The following FNDC3B variants were observed in gnomAD, a reference collection of about 807,000 sequenced individuals.
FNDC3B encodes the protein fibronectin type III domain-containing protein 3B.
A neutral mutation model predicts 151.5 loss-of-function variants in FNDC3B; 12 were observed. The ratio of observed to expected loss-of-function variants is 0.08; its 90% CI spans 0.05 to 0.13. The LOEUF (loss-of-function observed/expected upper bound fraction) is 0.13. FNDC3B is among the 10% of genes least tolerant of loss of function. The pLI is 1.00. For synonymous variants in FNDC3B, 528 were observed against 549.0 expected (o/e 0.96, Z 0.54); for missense variants, 1,214 against 1,505.3 (o/e 0.81, Z 3.20).
intron 22 of FNDC3B, among the ~76,000 whole-genome samples, chr3:172,357,584 T>C (rs1183914252): frequency 6.6e-5 from 10 of 152,350 alleles, no homozygotes; most frequent in Admixed American, 6.5e-4. Flanking sequence ...TAGGAAATTA[T>C]TTTCCCATAC....
chr3:172,145,811 CTTT>C (rs34361134), intron 3 of FNDC3B, among the ~76,000 whole-genome samples: 6 of 114,116 alleles, frequency 5.3e-5, no homozygotes, highest in Admixed American at 9.0e-5. Context: ...AGGTTTCTTT[CTTT>C]TTTTTTTTTT....
intron 1 of FNDC3B, among the ~76,000 whole-genome samples, chr3:172,082,589 T>C (rs948508154): frequency 6.6e-6 from 1 of 152,180 alleles, no homozygotes; most frequent in African/African-American, 2.4e-5. Context: ...ACTCCAGCAC[T>C]GAACGAAGCA....
At chr3:172,270,015 C>T (rs1576857738) in intron 6 of FNDC3B, among the ~76,000 whole-genome samples, 1 of 152,166 alleles carries the variant, frequency 6.6e-6, no homozygotes, top group Non-Finnish European at 1.5e-5. Flanking sequence ...GGCAACTCTT[C>T]CTAGATATTA....
Position 172,204,830 on chromosome 3 carries a change from A to C in FNDC3B, c.188-22041A>C, listed in dbSNP as rs140932477. 7.0e-4 allele frequency among the ~76,000 whole-genome samples: 107 copies of C among 152,330 alleles called. 1 individual carries two copies. Among genetic ancestry groups the C allele is most frequent in the African/African-American group, 2.5e-3 (102 of 41,574 alleles). On this transcript the variant is annotated intron_variant, in intron 3 of 25. Transcript: ENST00000415807. The stretch of plus-strand genomic sequence containing the variant: ...CAATTACCCATTGTTTTGTGTGTTA[A>C]ATTTCAGAAACCTTGGTTGAGTGGG...
At chr3:172,389,268 T>G (rs1407201554) in intron 25 of FNDC3B, among the ~76,000 whole-genome samples, 1 of 152,244 alleles carries the variant, frequency 6.6e-6, no homozygotes, top group Non-Finnish European at 1.5e-5. Context: ...ACATTTCATT[T>G]TAAAGCTCAT....
chr3:172,221,614 A>G (rs998497586), intron 3 of FNDC3B, among the ~76,000 whole-genome samples: 1 of 152,158 alleles, frequency 6.6e-6, no homozygotes, highest in Non-Finnish European at 1.5e-5. Context: ...AATTTCTTTA[A>G]AGTTAGCATC....
intron 2 of FNDC3B, chr3:172,126,957 G>A (rs984774238): frequency 2.6e-5 from 12 of 454,574 alleles, no homozygotes; most frequent in Non-Finnish European, 4.9e-5. Flanking sequence ...TCTTGTTGCC[G>A]GGACACACAG....
intron 25 of FNDC3B, among the ~76,000 whole-genome samples, chr3:172,382,242 A>T (rs1735484238): frequency 6.6e-6 from 1 of 152,138 alleles, no homozygotes; most frequent in African/African-American, 2.4e-5. Context: ...GCTTTTTTTC[A>T]TATGTTTGTT....
At chr3:172,259,890 T>A (rs1221232950) in intron 6 of FNDC3B, among the ~76,000 whole-genome samples, 1 of 152,204 alleles carries the variant, frequency 6.6e-6, no homozygotes, top group African/African-American at 2.4e-5. Context: ...AAATCATACT[T>A]GAAGCTTCAC....
chr3:172,285,717 G>C (rs899529377), intron 6 of FNDC3B, among the ~76,000 whole-genome samples: 3 of 152,142 alleles, frequency 2.0e-5, no homozygotes, highest in African/African-American at 7.2e-5. Context: ...AAACTATACA[G>C]TGACAAGTCA....
At chr3:172,304,207 C>G (rs1044641199) in intron 9 of FNDC3B, among the ~76,000 whole-genome samples, 3 of 152,120 alleles carry the variant, frequency 2.0e-5, no homozygotes, top group African/African-American at 7.2e-5. Flanking sequence ...TAAAAATGAA[C>G]AAAGAATTTA....
chr3:172,395,764 G>A (rs1736243731), intron 25 of FNDC3B, among the ~76,000 whole-genome samples: 1 of 152,156 alleles, frequency 6.6e-6, no homozygotes, highest in Non-Finnish European at 1.5e-5. Flanking sequence ...ATTAAAGATA[G>A]GCAAAAGACT....
In FNDC3B at chr3:172,099,470, C is replaced by A. The variant is rs367965280; in HGVS notation, c.-28-12982C>A. ...GGCAACACAATATTATTTGTCGTTA[C>A]TTCCTTAGTGTTTGATCATTTGCTT... is the stretch of plus-strand genomic sequence containing the variant. On this transcript the variant is annotated intron_variant, in intron 1 of 25. Transcript: ENST00000415807. Among the ~76,000 whole-genome samples, 11 of 152,098 alleles carry A rather than the reference C, an allele frequency of 7.2e-5. No individual in the cohort carries two copies. In the South Asian group the frequency reaches 2.1e-3, roughly 29 times the overall value.
At chr3:172,175,509 T>G (rs1263435427) in intron 3 of FNDC3B, among the ~76,000 whole-genome samples, 1 of 152,208 alleles carries the variant, frequency 6.6e-6, no homozygotes, top group Non-Finnish European at 1.5e-5. Context: ...GGCAAATTCT[T>G]AGAAAGGGGC....
At chr3:172,317,640 G>C (rs1198673291) in intron 11 of FNDC3B, among the ~76,000 whole-genome samples, 3 of 152,214 alleles carry the variant, frequency 2.0e-5, no homozygotes, top group Non-Finnish European at 4.4e-5. Context: ...ACGTAAGACT[G>C]AATGAGATAA....
chr3:172,399,090 C>T lies in FNDC3B; in HGVS notation c.*1615C>T, dbSNP rs1736433322. The T allele has an allele frequency of 6.6e-6, 1 of 152,600 alleles. No individual in the cohort carries two copies. Among genetic ancestry groups the T allele is most frequent in the South Asian group, 2.1e-4 (1 of 4,838 alleles). The allele number at this position is 152,600 out of a possible 1,614,324, so 9.5% of individuals were successfully genotyped here. A position where few individuals can be genotyped will look rare whatever the true frequency, so the allele number is the denominator to read the frequency against. ...ATTGTCTAAGATGCAGTATCCTGTA[C>T]TAGCTTATAATATTCCCATACCAAA... On this transcript the variant is annotated 3_prime_UTR_variant, in exon 26 of 26. Coordinates refer to ENST00000415807, the MANE Select transcript of FNDC3B (RefSeq NM_022763.4).
intron 1 of FNDC3B, among the ~76,000 whole-genome samples, chr3:172,067,725 T>C (rs1717568905): frequency 6.6e-6 from 1 of 152,138 alleles, no homozygotes; most frequent in South Asian, 2.1e-4. Flanking sequence ...ATTAAGAATC[T>C]TCAGAAGTTT....
At position 172,378,279 on chromosome 3, in the gene FNDC3B, A is replaced by C. The variant is rs1735257747; in HGVS notation, c.3018A>C (p.Ser1006=). The change falls in exon 24 of 26, where the codon TCA becomes TCC. Residue 1006 remains serine, a synonymous_variant. Transcript: ENST00000415807. The part of the protein sequence containing the change: ...QLEDRNKRFI[S]IYRGPSHTYK... ...CTGCTCCTTCTTCTAGGTTTATTTC[A>C]ATCTACAGAGGACCCAGCCACACCT... The C allele has an allele frequency of 6.3e-7, 1 of 1,585,838 alleles. No homozygotes were observed.
chr3:172,165,147 G>A (rs1249426434), intron 3 of FNDC3B, among the ~76,000 whole-genome samples: 1 of 152,122 alleles, frequency 6.6e-6, no homozygotes, highest in Non-Finnish European at 1.5e-5. Flanking sequence ...CGGAGTAGCT[G>A]GGACTACAGG....
Sources: allele counts gnomAD v4.1 joint callset (sites outside exome capture counted in the v4.1 genomes callset), GRCh38; gene constraint gnomAD v4.1.1; transcripts MANE v1.5; gene names NCBI Gene and HGNC (gene_info 2026-07-23, HGNC 2026-07-21).